ATP10B: variants seen among roughly 807,000 people sequenced by gnomAD.
The protein encoded by ATP10B is phospholipid-transporting ATPase VB.
In ATP10B, 122 loss-of-function variants were observed where a neutral mutation model predicts 141.2. The ratio of observed to expected loss-of-function variants is 0.86; its 90% confidence interval spans 0.75 to 1.00. The LOEUF is 1.00. Among genes scored for constraint, ATP10B ranks in the 50% least tolerant of loss-of-function variants. The pLI, the probability that ATP10B is intolerant of heterozygous loss-of-function variation, is 0.00. For missense variants in ATP10B, 1,876 were observed against 1,825.3 expected (o/e 1.03, Z -0.51); for synonymous variants, 685 against 692.0 (o/e 0.99, Z 0.16).
chr5:160,879,497 T>A, the ATP10B span, among the ~76,000 whole-genome samples: 1 of 142,610 alleles, frequency 7.0e-6, no homozygotes, highest in South Asian at 2.3e-4. Flanking sequence ...GTAACTAACC[T>A]GCACAATGTG....
intron 6 of ATP10B, among the ~76,000 whole-genome samples, chr5:160,671,903 C>T (rs1762730376): frequency 6.6e-6 from 1 of 151,628 alleles, no homozygotes; most frequent in Non-Finnish European, 1.5e-5. Flanking sequence ...GGGTATACTA[C>T]CTCCCTGCAG....
chr5:160,856,020 CACTTT>C (rs1224869957), upstream of ATP10B, among the ~76,000 whole-genome samples: 1 of 151,414 alleles, frequency 6.6e-6, no homozygotes, highest in African/African-American at 2.4e-5. Flanking sequence ...AGATTCCTTC[CACTTT>C]ATTTTTTTTC....
chr5:160,820,124 C>G (rs73305810), intron 1 of ATP10B, among the ~76,000 whole-genome samples: 1,726 of 146,598 alleles, frequency 0.012, 31 homozygotes, highest in African/African-American at 0.04. Flanking sequence ...CAACATTGAC[C>G]AATCTTTAGT....
At chr5:160,763,377 T>G (rs1769181957) in intron 2 of ATP10B, among the ~76,000 whole-genome samples, 1 of 152,038 alleles carries the variant, frequency 6.6e-6, no homozygotes, top group South Asian at 2.1e-4. Context: ...CAGACCACAG[T>G]GAAATAAAAT....
At chr5:160,926,252 G>A in the ATP10B span, among the ~76,000 whole-genome samples, 1 of 152,252 alleles carries the variant, frequency 6.6e-6, no homozygotes, top group African/African-American at 2.4e-5. Context: ...TCTCTATCGT[G>A]GCACAAGAAG....
intron 11 of ATP10B, 130 bp downstream of exon 11, chr5:160,636,052 A>G: frequency 1.8e-6 from 2 of 1,087,310 alleles, no homozygotes; most frequent in South Asian, 2.2e-5. Flanking sequence ...CAAGAAAGCG[A>G]TGACCATCTC....
intron 13 of ATP10B, among the ~76,000 whole-genome samples, chr5:160,630,705 AC>A (rs1561669646): frequency 6.6e-6 from 1 of 152,232 alleles, no homozygotes; most frequent in African/African-American, 2.4e-5. Flanking sequence ...AATAAAAAAA[AC>A]CATGAAAATC....
chr5:160,749,366 C>T (rs758247363), intron 2 of ATP10B, among the ~76,000 whole-genome samples: 13 of 152,292 alleles, frequency 8.5e-5, no homozygotes, highest in African/African-American at 2.2e-4. Context: ...GAGCTAGACA[C>T]GCATGGCAGG....
In ATP10B at chr5:160,565,560, G is replaced by T. The variant is rs777223510; in HGVS notation, c.4279C>A (p.Leu1427Met). 8.1e-6 allele frequency: 13 copies of T among 1,614,006 alleles called. No homozygotes were observed. The African/African-American group carries it at 1.6e-4, about 20-fold the overall frequency. ...SSAQLSSGEH[L>M]LGPNRIMAYS... ...GCCATTATCCTGTTAGGTCCCAGCA[G>T]GTGCTCCCCGGATGAGAGTTGAGCT... The change falls in exon 26 of 26, where the codon CTG (leucine) becomes ATG (methionine). Residue 1427 changes from leucine (L) to methionine (M), a missense_variant. Physicochemically the swap from Leu to Met is conservative, Grantham distance 15 (BLOSUM62 2). Coordinates refer to ENST00000327245, the MANE Select transcript of ATP10B (RefSeq NM_025153.3).
chr5:160,704,912 A>ATTTTTTTTTT (rs1764894071), intron 3 of ATP10B, among the ~76,000 whole-genome samples: 1 of 43,694 alleles, frequency 2.3e-5, no homozygotes, highest in Non-Finnish European at 3.7e-5. Flanking sequence ...CATTTCTTTC[A>ATTTTTTTTTT]TCTTTTTTTT....
chr5:160,767,509 T>C (rs910479494), intron 2 of ATP10B, among the ~76,000 whole-genome samples: 3 of 152,094 alleles, frequency 2.0e-5, no homozygotes, highest in African/African-American at 7.2e-5. Context: ...AACCAAAGTC[T>C]CTCTGAATCC....
chr5:160,873,765 G>C, the ATP10B span, among the ~76,000 whole-genome samples: 2 of 152,260 alleles, frequency 1.3e-5, no homozygotes, highest in African/African-American at 4.8e-5. Flanking sequence ...GTCAAAGAAA[G>C]GGGTGACAGA....
At chr5:160,919,845 T>G in the ATP10B span, among the ~76,000 whole-genome samples, 261 of 152,324 alleles carry the variant, frequency 1.7e-3, no homozygotes, top group Non-Finnish European at 2.4e-3. Context: ...TGCGATGTCT[T>G]GGCAACAATT....
chr5:160,837,942 T>G (rs186453775), intron 1 of ATP10B, among the ~76,000 whole-genome samples: 69 of 152,302 alleles, frequency 4.5e-4, no homozygotes, highest in African/African-American at 1.6e-3. Flanking sequence ...TTCTTTGACA[T>G]CAGGATTCTG....
At chr5:160,922,389 A>G in the ATP10B span, among the ~76,000 whole-genome samples, 1 of 152,326 alleles carries the variant, frequency 6.6e-6, no homozygotes, top group African/African-American at 2.4e-5. Flanking sequence ...TGGGCCTGCC[A>G]CGTTGTTAGT....
intron 1 of ATP10B, among the ~76,000 whole-genome samples, chr5:160,836,223 T>A (rs1192526296): frequency 9.9e-5 from 15 of 152,132 alleles, no homozygotes; most frequent in Non-Finnish European, 1.2e-4. Flanking sequence ...AAAATTGCAC[T>A]TGTACCCCTT....
chr5:160,775,485 T>C (rs752225662), intron 2 of ATP10B, among the ~76,000 whole-genome samples: 72 of 152,180 alleles, frequency 4.7e-4, no homozygotes, highest in Non-Finnish European at 7.9e-4. Context: ...ATGCACCTTA[T>C]ATGTGATTGG....
At chr5:160,917,307 G>A in the ATP10B span, among the ~76,000 whole-genome samples, 1 of 126,556 alleles carries the variant, frequency 7.9e-6, no homozygotes, top group Non-Finnish European at 1.6e-5. Flanking sequence ...TCTCATTACT[G>A]TAACCAGGCC....
chr5:160,654,240 C>T (rs1424304702), intron 7 of ATP10B, among the ~76,000 whole-genome samples: 1 of 151,848 alleles, frequency 6.6e-6, no homozygotes, highest in Non-Finnish European at 1.5e-5. Context: ...GCTGGGATTA[C>T]AGGTGTAAGC....
Sources: gnomAD v4.1 joint callset for allele counts (sites outside exome capture counted in the v4.1 genomes callset) on GRCh38, gnomAD v4.1.1 for gene constraint, MANE v1.5 for transcripts, NCBI Gene and HGNC (gene_info 2026-07-23, HGNC 2026-07-21) for gene names.